Variants in GABRG3 observed in about 807,000 individuals in gnomAD.
GABRG3 encodes the protein gamma-aminobutyric acid type A receptor subunit gamma3, also known as gamma-aminobutyric acid receptor subunit gamma-3.
GABRG3 carries 25 observed loss-of-function variants against 48.8 expected under a neutral mutation model. That is an observed-to-expected ratio of 0.51 (90% CI 0.37 to 0.72). The LOEUF is 0.72. Among genes scored for constraint, GABRG3 ranks in the 30% least tolerant of loss-of-function variants. The probability of loss-of-function intolerance (pLI) is 0.00; values close to 1 mark genes in which losing one functional copy is unlikely to be tolerated. For missense variants in GABRG3, 394 were observed against 577.9 expected, an observed-to-expected ratio of 0.68 and a Z score of 3.26; for synonymous variants, 227 against 217.6, an observed-to-expected ratio of 1.04 and a Z score of -0.38.
intron 3 of GABRG3, among the ~76,000 whole-genome samples, chr15:27,102,429 C>T (rs188949263): frequency 6.6e-6 from 1 of 152,222 alleles, no homozygotes; most frequent in East Asian, 1.9e-4. Flanking sequence ...CAGATAAATG[C>T]CTGGGCTCCA....
chr15:27,174,575 C>T (rs954551540), intron 3 of GABRG3, among the ~76,000 whole-genome samples: 4 of 144,296 alleles, frequency 2.8e-5, no homozygotes, highest in Non-Finnish European at 5.9e-5. Context: ...GTGACTGCCT[C>T]TCTCTCTCGT....
intron 3 of GABRG3, among the ~76,000 whole-genome samples, chr15:27,216,498 A>C (rs1465769180): frequency 6.6e-6 from 1 of 152,178 alleles, no homozygotes; most frequent in Non-Finnish European, 1.5e-5. Flanking sequence ...GCAGAGGCAA[A>C]GCATCTTTAT....
At chr15:26,972,762 G>A (rs927066783) in intron 1 of GABRG3, among the ~76,000 whole-genome samples, 1 of 152,148 alleles carries the variant, frequency 6.6e-6, no homozygotes, top group Non-Finnish European at 1.5e-5. Context: ...GGGGCCCCCA[G>A]TTCTCACTCC....
At chr15:27,523,698 A>G (rs528098912) in intron 7 of GABRG3, among the ~76,000 whole-genome samples, 1 of 152,124 alleles carries the variant, frequency 6.6e-6, no homozygotes, top group South Asian at 2.1e-4. Context: ...AAATTTTTAG[A>G]ACTGAAAAAT....
intron 3 of GABRG3, among the ~76,000 whole-genome samples, chr15:27,163,097 C>T (rs1887251002): frequency 6.6e-6 from 1 of 152,008 alleles, no homozygotes; most frequent in African/African-American, 2.4e-5. Context: ...CTCTCAGCTC[C>T]CCCGACCCAC....
chr15:27,437,222 T>C (rs1888646506), intron 5 of GABRG3, among the ~76,000 whole-genome samples: 1 of 152,144 alleles, frequency 6.6e-6, no homozygotes, highest in Admixed American at 6.5e-5. Context: ...AACTTTAGAA[T>C]GAACCTGCTC....
chr15:27,535,524 A>T lies in GABRG3; in HGVS notation c.*2643A>T, dbSNP rs942515449. The T allele has an allele frequency of 6.6e-6, 1 of 152,200 alleles. No homozygotes were observed. The highest frequency in any genetic ancestry group is 1.5e-5 in the Non-Finnish European group (1 of 68,042). The allele number at this position is 152,200 out of a possible 1,614,324, so 9.4% of individuals were successfully genotyped here. On this transcript the variant is annotated 3_prime_UTR_variant, in exon 10 of 10. Coordinates refer to ENST00000615808, the MANE Select transcript of GABRG3 (RefSeq NM_033223.5). ...ATGAGTTCAGCGCTCCTTTTCTAGGAAGGAGAACCTTCATCTCAAGAAAGT... is the reference window on the plus strand; with the variant it reads ...ATGAGTTCAGCGCTCCTTTTCTAGGTAGGAGAACCTTCATCTCAAGAAAGT...
At chr15:27,115,736 T>A (rs140118162) in intron 3 of GABRG3, among the ~76,000 whole-genome samples, 86 of 152,326 alleles carry the variant, frequency 5.6e-4, no homozygotes, top group African/African-American at 2.0e-3. Context: ...CAACATTTAT[T>A]TTCATTGTAA....
intron 3 of GABRG3, among the ~76,000 whole-genome samples, chr15:27,257,225 A>C (rs184470490): frequency 6.6e-6 from 1 of 151,634 alleles, no homozygotes; most frequent in Admixed American, 6.6e-5. Flanking sequence ...GTGTCTCTTT[A>C]GGTCCTTTGT....
chr15:27,236,549 G>A lies in GABRG3; in HGVS notation c.271-90260G>A, dbSNP rs778963721. Among the ~76,000 whole-genome samples, 3 of 152,190 alleles carry A rather than the reference G, an allele frequency of 2.0e-5. No individual in the cohort carries two copies. The highest frequency in any genetic ancestry group is 4.8e-5 in the African/African-American group (2 of 41,508). Reference sequence around the variant, plus strand: ...GAAATGAACAACTTATCCCTTTATCGCCCTTAGCCAGTCACCTGAGGCCAG... The same window carrying A: ...GAAATGAACAACTTATCCCTTTATCACCCTTAGCCAGTCACCTGAGGCCAG... On this transcript the variant is annotated intron_variant, in intron 3 of 9. Coordinates refer to ENST00000615808, the MANE Select transcript of GABRG3 (RefSeq NM_033223.5). This position sits in a 1 kb window ranked among gnomAD's most constrained non-coding sequence, Gnocchi z 4.4.
At chr15:27,323,616 G>A (rs1379783574) in intron 3 of GABRG3, among the ~76,000 whole-genome samples, 1 of 152,174 alleles carries the variant, frequency 6.6e-6, no homozygotes, top group African/African-American at 2.4e-5. Context: ...CTGCCAGGAT[G>A]GAGGGAAGGC....
chr15:27,203,190 A>T (rs1054251867), intron 3 of GABRG3, among the ~76,000 whole-genome samples: 1 of 151,896 alleles, frequency 6.6e-6, no homozygotes, highest in Admixed American at 6.6e-5. Flanking sequence ...TTCAATTCTC[A>T]CCTTCCACCC....
At position 27,532,589 on chromosome 15, in the gene GABRG3, G is replaced by A; in HGVS notation, c.1123-11G>A. The A allele has an allele frequency of 6.2e-7, 1 of 1,610,438 alleles. No individual in the cohort carries two copies. The highest frequency in any genetic ancestry group is 1.7e-5 in the Admixed American group (1 of 59,624). Reference sequence around the variant, plus strand: ...TTACAATGGTTGTTGTGTCATTTTTGTTGCTTGCAGAACTATTCCCTCCTG... The same window carrying A: ...TTACAATGGTTGTTGTGTCATTTTTATTGCTTGCAGAACTATTCCCTCCTG... On this transcript the variant is annotated splice_polypyrimidine_tract_variant and intron_variant, in intron 9 of 9. Coordinates refer to ENST00000615808, the MANE Select transcript of GABRG3 (RefSeq NM_033223.5).
chr15:27,265,843 A>G (rs1890900918), intron 3 of GABRG3, among the ~76,000 whole-genome samples: 1 of 146,636 alleles, frequency 6.8e-6, no homozygotes. Flanking sequence ...TTATCTAAAA[A>G]CTCATCACCA....
rs376795027 is a variant in GABRG3 at position 27,230,306 on chromosome 15, C to G, written c.271-96503C>G. On this transcript the variant is annotated intron_variant, in intron 3 of 9. Transcript: ENST00000615808. ...AATCACCTGAACTTGATCTACAGCT[C>G]AAACTACCTGGTTTTTAAAAAAATA... Among the ~76,000 whole-genome samples, 16 of 152,268 alleles carry G rather than the reference C, an allele frequency of 1.1e-4. No homozygotes were observed. The East Asian group carries it at 1.7e-3, about 17-fold the overall frequency.
intron 7 of GABRG3, among the ~76,000 whole-genome samples, chr15:27,525,774 G>T (rs1891261133): frequency 7.8e-6 from 1 of 127,442 alleles, no homozygotes; most frequent in South Asian, 2.5e-4. Flanking sequence ...CCCTGCAAAG[G>T]ACATGATCTC....
intron 3 of GABRG3, among the ~76,000 whole-genome samples, chr15:27,315,288 CTT>C (rs1225579844): frequency 3.3e-5 from 5 of 152,164 alleles, no homozygotes; most frequent in African/African-American, 1.2e-4. Flanking sequence ...GTGCTGAGTG[CTT>C]ACTTTACAGT....
chr15:27,250,536 C>A (rs781712010), intron 3 of GABRG3, among the ~76,000 whole-genome samples: 2 of 152,126 alleles, frequency 1.3e-5, no homozygotes, highest in Admixed American at 1.3e-4. Context: ...AAGCGATTCT[C>A]CTGCCTCAGC....
chr15:27,024,875 A>T (rs1895956601), intron 2 of GABRG3, among the ~76,000 whole-genome samples: 1 of 151,940 alleles, frequency 6.6e-6, no homozygotes, highest in Non-Finnish European at 1.5e-5. Context: ...AAAAATACAA[A>T]ATTAGCTGGG....
Sources: allele counts gnomAD v4.1 joint callset (sites outside exome capture counted in the v4.1 genomes callset), GRCh38; gene constraint gnomAD v4.1.1; non-coding constraint Gnocchi (gnomAD v3.1); transcripts MANE v1.5; gene names NCBI Gene and HGNC (gene_info 2026-07-23, HGNC 2026-07-21).